The following FOXP1 variants were observed in gnomAD, a reference collection of about 807,000 sequenced individuals.
FOXP1 encodes forkhead box P1, also known as forkhead box protein P1.
FOXP1 carries 15 observed loss-of-function variants against 98.2 expected under a neutral mutation model. The observed-to-expected ratio is 0.15, with a 90% confidence interval of 0.10 to 0.24. FOXP1 has a LOEUF of 0.24. Ranked by LOEUF, FOXP1 falls within the 10% of genes least tolerant of loss-of-function variation. The probability of loss-of-function intolerance (pLI) is 1.00; values close to 1 mark genes in which losing one functional copy is unlikely to be tolerated. For synonymous variants in FOXP1, 371 were observed against 314.5 expected, an observed-to-expected ratio of 1.18 and a Z score of -1.90; for missense variants, 633 against 848.5, an observed-to-expected ratio of 0.75 and a Z score of 3.15.
intron 10 of FOXP1, among the ~76,000 whole-genome samples, chr3:71,046,288 T>TTA (rs1424813749): frequency 1.3e-5 from 2 of 152,190 alleles, no homozygotes; most frequent in African/African-American, 4.8e-5. Context: ...TAAAAGAAAT[T>TTA]TACTAAATGT....
intron 7 of FOXP1, among the ~76,000 whole-genome samples, chr3:71,090,445 G>C (rs2055681111): frequency 6.6e-6 from 1 of 152,122 alleles, no homozygotes; most frequent in South Asian, 2.1e-4. Context: ...AAAAGTAACA[G>C]GGCAATGAAG....
At chr3:71,314,433 C>T (rs902346773) in intron 4 of FOXP1, among the ~76,000 whole-genome samples, 20 of 151,894 alleles carry the variant, frequency 1.3e-4, no homozygotes, top group African/African-American at 4.3e-4. Flanking sequence ...GAGGCTGAGA[C>T]AGGAGAATCA....
At chr3:71,008,995 G>C (rs1338855382) in intron 12 of FOXP1, among the ~76,000 whole-genome samples, 2 of 151,964 alleles carry the variant, frequency 1.3e-5, no homozygotes, top group Non-Finnish European at 2.9e-5. Flanking sequence ...CTTGGCCTCT[G>C]TAACAGTTAC....
At chr3:71,506,843 G>A (rs1418431035) in intron 2 of FOXP1, among the ~76,000 whole-genome samples, 4 of 152,212 alleles carry the variant, frequency 2.6e-5, no homozygotes, top group African/African-American at 9.6e-5. Flanking sequence ...GAGTAGCCTT[G>A]TAATTCTGCA....
intron 2 of FOXP1, among the ~76,000 whole-genome samples, chr3:71,534,290 G>A (rs142870934): frequency 6.6e-6 from 1 of 152,188 alleles, no homozygotes; most frequent in South Asian, 2.1e-4. Flanking sequence ...TTGGACCTGG[G>A]GGGGTGGAGG....
chr3:71,442,940 G>A (rs2108461928), intron 3 of FOXP1, among the ~76,000 whole-genome samples: 1 of 152,194 alleles, frequency 6.6e-6, no homozygotes, highest in South Asian at 2.1e-4. Flanking sequence ...AGGCTGGGCT[G>A]GAGTGCAGTG....
chr3:71,548,346 A>C (rs546657535), intron 2 of FOXP1, among the ~76,000 whole-genome samples: 2 of 152,324 alleles, frequency 1.3e-5, no homozygotes, highest in African/African-American at 4.8e-5. Flanking sequence ...TCTCCCAAAC[A>C]GCCTCATAAC....
intron 6 of FOXP1, among the ~76,000 whole-genome samples, chr3:71,139,146 G>A (rs1173902467): frequency 6.6e-6 from 1 of 152,110 alleles, no homozygotes; most frequent in Non-Finnish European, 1.5e-5. Context: ...TTTTACAGGA[G>A]GGGAAATTGG....
chr3:71,142,945 T>C (rs112359475), intron 6 of FOXP1, among the ~76,000 whole-genome samples: 12 of 151,600 alleles, frequency 7.9e-5, no homozygotes, highest in African/African-American at 2.7e-4. Context: ...GGAAGAGAGA[T>C]AAGGGGGCAG....
intron 2 of FOXP1, among the ~76,000 whole-genome samples, chr3:71,563,525 T>C (rs913823851): frequency 6.6e-6 from 1 of 152,234 alleles, no homozygotes; most frequent in Non-Finnish European, 1.5e-5. Flanking sequence ...AGGACAATGC[T>C]TTATTTAGAT....
rs1233821874 is a variant in FOXP1, at chr3:70,965,975, T to C, written c.1804A>G (p.Ile602Val). The change falls in exon 20 of 21, where the codon ATA (isoleucine) becomes GTA (valine). Residue 602 changes from isoleucine to valine, a missense_variant. Coordinates refer to ENST00000649528, the MANE Select transcript of FOXP1 (RefSeq NM_001349338.3). ...ATTGCCCCGTTCAGCTCTTCCCGTATTGCGCTGGCTAAGTTGCCCAGAGTG... is the reference window on the plus strand; with the variant it reads ...ATTGCCCCGTTCAGCTCTTCCCGTACTGCGCTGGCTAAGTTGCCCAGAGTG... ...NPTLGNLASA[I>V]REELNGAMEH... 1.2e-6 allele frequency: 2 copies of C among 1,614,176 alleles called. No homozygotes were observed. The highest frequency in any genetic ancestry group is 1.1e-5 in the South Asian group (1 of 91,082).
At chr3:71,413,133 CCCCCAAACA>C (rs2082895519) in intron 3 of FOXP1, among the ~76,000 whole-genome samples, 1 of 141,862 alleles carries the variant, frequency 7.0e-6, no homozygotes, top group Admixed American at 6.8e-5. Context: ...CACACACGCA[CCCCCAAACA>C]GCCACACACA....
intron 5 of FOXP1, among the ~76,000 whole-genome samples, chr3:71,204,920 A>G (rs988282513): frequency 6.6e-6 from 1 of 152,194 alleles, no homozygotes; most frequent in African/African-American, 2.4e-5. Flanking sequence ...CATTTCATGG[A>G]AAGACTACCC....
intron 3 of FOXP1, among the ~76,000 whole-genome samples, chr3:71,468,599 A>T (rs13100114): frequency 3.3e-5 from 5 of 152,104 alleles, no homozygotes; most frequent in Admixed American, 2.6e-4. Context: ...CTATATGTTA[A>T]GTAGTTTCCA....
At chr3:71,469,968 C>T (rs1166330904) in intron 3 of FOXP1, among the ~76,000 whole-genome samples, 2 of 152,138 alleles carry the variant, frequency 1.3e-5, no homozygotes, top group Non-Finnish European at 2.9e-5. Context: ...TCTATGAACT[C>T]TAAAAACTCA....
At chr3:71,419,242 A>G (rs2083445648) in intron 3 of FOXP1, among the ~76,000 whole-genome samples, 1 of 149,504 alleles carries the variant, frequency 6.7e-6, no homozygotes, top group African/African-American at 2.4e-5. Flanking sequence ...CTCAAAAAAA[A>G]AAAAAAAAAA....
chr3:71,402,349 G>A (rs561852228), intron 3 of FOXP1, among the ~76,000 whole-genome samples: 6 of 152,118 alleles, frequency 3.9e-5, no homozygotes, highest in African/African-American at 7.2e-5. Flanking sequence ...CAGCTACTTG[G>A]GGGGCTGAAG....
At chr3:71,186,088 A>G (rs2062626841) in intron 6 of FOXP1, among the ~76,000 whole-genome samples, 1 of 152,222 alleles carries the variant, frequency 6.6e-6, no homozygotes, top group South Asian at 2.1e-4. Flanking sequence ...AAATCTTTGA[A>G]TGCAGGGTGA....
intron 9 of FOXP1, among the ~76,000 whole-genome samples, chr3:71,048,177 T>G (rs2049301757): frequency 6.6e-6 from 1 of 151,772 alleles, no homozygotes; most frequent in African/African-American, 2.4e-5. Context: ...AAGAACAAGA[T>G]CAGTGTTCCT....
Sources: allele counts gnomAD v4.1 joint callset (sites outside exome capture counted in the v4.1 genomes callset), GRCh38; gene constraint gnomAD v4.1.1; transcripts MANE v1.5; gene names NCBI Gene and HGNC (gene_info 2026-07-23, HGNC 2026-07-21).